The following MARCHF4 variants were observed in gnomAD, a reference collection of about 807,000 sequenced individuals.
The protein encoded by MARCHF4 is E3 ubiquitin-protein ligase MARCHF4.
MARCHF4 carries 14 observed loss-of-function variants against 43.9 expected under a neutral mutation model. That is an observed-to-expected ratio of 0.32 (90% confidence interval 0.21 to 0.50). MARCHF4 has a LOEUF of 0.50. MARCHF4 is among the 20% of genes least tolerant of loss of function. MARCHF4 has a pLI of 0.98. For synonymous variants in MARCHF4, 226 were observed against 213.3 expected, an observed-to-expected ratio of 1.06 and a Z score of -0.52; for missense variants, 468 against 536.7, an observed-to-expected ratio of 0.87 and a Z score of 1.27.
chr2:216,363,355 C>T (rs1157084811), intron 1 of MARCHF4, among the ~76,000 whole-genome samples: 2 of 152,208 alleles, frequency 1.3e-5, no homozygotes, highest in Admixed American at 1.3e-4. Flanking sequence ...AGGCATCTCC[C>T]CTCCTCTCAT....
In MARCHF4 at chr2:216,277,734, C is replaced by T. The variant is rs759735435; in HGVS notation, c.803G>A (p.Arg268His). ...GCAGATCTGGAAGAGAAGGTCTTGG[C>T]GCTGCCATCTTGCCGAGGGGCTGAA... The part of the protein sequence containing the change: ...STFSPSARWQ[R>H]QDLLFQICYG... Residue 268 changes from arginine (R) to histidine (H), a missense_variant, in exon 3 of 4, where the codon CGC (arginine) becomes CAC (histidine). Physicochemically the swap from Arg to His is conservative, Grantham distance 29 (BLOSUM62 0). Coordinates refer to ENST00000273067, the MANE Select transcript of MARCHF4 (RefSeq NM_020814.3). The T allele has an allele frequency of 9.3e-6, 15 of 1,614,132 alleles. No homozygotes were observed. The highest frequency in any genetic ancestry group is 6.8e-6 in the Non-Finnish European group (8 of 1,179,988).
In MARCHF4 at chr2:216,319,257, G is replaced by T. The variant is rs181714310; in HGVS notation, c.517-35528C>A. ...CAAGAAGCAGAGATTGCAGTGAGCCGAAATCGTGCCACTGCATTCCAGCCT... is the reference window on the plus strand; with the variant it reads ...CAAGAAGCAGAGATTGCAGTGAGCCTAAATCGTGCCACTGCATTCCAGCCT... On this transcript the variant is annotated intron_variant, in intron 1 of 3. Transcript: ENST00000273067. Among the ~76,000 whole-genome samples the T allele has an allele frequency of 1.6e-3, 246 of 152,212 alleles. 1 individual carries two copies. The highest frequency in any genetic ancestry group is 2.7e-3 in the Non-Finnish European group (186 of 68,014).
chr2:216,326,512 G>A (rs1183578491), intron 1 of MARCHF4, among the ~76,000 whole-genome samples: 3 of 151,234 alleles, frequency 2.0e-5, no homozygotes, highest in South Asian at 2.1e-4. Context: ...ACATGCACAC[G>A]TATGTTTATT....
At chr2:216,264,458 C>A (rs1690812009) in intron 3 of MARCHF4, among the ~76,000 whole-genome samples, 2 of 152,208 alleles carry the variant, frequency 1.3e-5, no homozygotes, top group Admixed American at 6.5e-5. Context: ...TGAATGTGTA[C>A]CTATGCACCC....
intron 1 of MARCHF4, among the ~76,000 whole-genome samples, chr2:216,334,255 A>T (rs533417010): frequency 1.6e-4 from 24 of 152,308 alleles, no homozygotes; most frequent in African/African-American, 5.1e-4. Context: ...AGATGGAGGA[A>T]GAAGGCCTTG....
chr2:216,368,967 T>C (rs750983797), intron 1 of MARCHF4, among the ~76,000 whole-genome samples: 3 of 152,070 alleles, frequency 2.0e-5, no homozygotes, highest in Non-Finnish European at 4.4e-5. Flanking sequence ...CATATGAGAG[T>C]TGGCATCCCT....
At chr2:216,363,312 G>A (rs1692615974) in intron 1 of MARCHF4, among the ~76,000 whole-genome samples, 1 of 152,118 alleles carries the variant, frequency 6.6e-6, no homozygotes, top group African/African-American at 2.4e-5. Flanking sequence ...ACAAACAATT[G>A]ATTAGAGAAC....
At chr2:216,335,356 G>A (rs1468306290) in intron 1 of MARCHF4, among the ~76,000 whole-genome samples, 1 of 152,154 alleles carries the variant, frequency 6.6e-6, no homozygotes, top group Non-Finnish European at 1.5e-5. Context: ...AAAATGGCAC[G>A]CAGGAGTCCA....
At chr2:216,277,009 A>C (rs563800597) in intron 3 of MARCHF4, among the ~76,000 whole-genome samples, 51 of 152,238 alleles carry the variant, frequency 3.4e-4, no homozygotes, top group Admixed American at 7.8e-4. Flanking sequence ...TTTAAACGAA[A>C]CCTTATCTGG....
At chr2:216,364,409 C>T (rs1469999030) in intron 1 of MARCHF4, among the ~76,000 whole-genome samples, 1 of 152,140 alleles carries the variant, frequency 6.6e-6, no homozygotes, top group African/African-American at 2.4e-5. Context: ...CAGTGCTCCC[C>T]TTAGACCCAG....
At chr2:216,351,569 G>C (rs1435630681) in intron 1 of MARCHF4, 1 of 152,162 alleles carries the variant, frequency 6.6e-6, no homozygotes, top group Non-Finnish European at 1.5e-5. Context: ...GTTCAGCCAA[G>C]GGGCCAAGGC....
chr2:216,325,455 G>GA (rs1691973148), intron 1 of MARCHF4, among the ~76,000 whole-genome samples: 3 of 152,124 alleles, frequency 2.0e-5, no homozygotes, highest in East Asian at 1.9e-4. Context: ...CACAGAATTG[G>GA]AAAAAACTAC....
chr2:216,316,537 T>C lies in MARCHF4; in HGVS notation c.517-32808A>G, dbSNP rs914666852. On this transcript the variant is annotated intron_variant, in intron 1 of 3. Coordinates refer to ENST00000273067, the MANE Select transcript of MARCHF4 (RefSeq NM_020814.3). ...TTCATTCTTGAAGAAATGAAATAGG[T>C]CCACAGTCCTGGGAAATGGGGGGCG... 3.3e-5 allele frequency among the ~76,000 whole-genome samples: 5 copies of C among 151,958 alleles called. No homozygotes were observed. In the East Asian group the frequency reaches 9.6e-4, roughly 29 times the overall value.
At chr2:216,358,528 G>A (rs1349328595) in intron 1 of MARCHF4, among the ~76,000 whole-genome samples, 1 of 152,210 alleles carries the variant, frequency 6.6e-6, no homozygotes, top group Admixed American at 6.5e-5. Flanking sequence ...GACAGCAGAA[G>A]TAGAAGCAGC....
intron 1 of MARCHF4, among the ~76,000 whole-genome samples, chr2:216,299,074 C>T (rs567472814): frequency 6.6e-6 from 1 of 152,248 alleles, no homozygotes; most frequent in Non-Finnish European, 1.5e-5. Context: ...CACTGTGATC[C>T]TGAAAAGAAA....
intron 1 of MARCHF4, among the ~76,000 whole-genome samples, chr2:216,284,095 C>T (rs1040898932): frequency 2.6e-5 from 4 of 152,186 alleles, no homozygotes; most frequent in African/African-American, 4.8e-5. Context: ...GAGTTGCAAA[C>T]TCAAATGCCC....
chr2:216,331,098 C>T (rs1692075767), intron 1 of MARCHF4, among the ~76,000 whole-genome samples: 1 of 151,894 alleles, frequency 6.6e-6, no homozygotes, highest in African/African-American at 2.4e-5. Context: ...TTTGAAAAGA[C>T]TAATAAAAAT....
intron 1 of MARCHF4, among the ~76,000 whole-genome samples, chr2:216,344,596 A>C (rs546747672): frequency 6.6e-5 from 10 of 152,304 alleles, no homozygotes; most frequent in African/African-American, 2.4e-4. Context: ...AGGGCTTCTA[A>C]AAGGCCCCTT....
At chr2:216,369,663 TTCCCCAGG>T in intron 1 of MARCHF4, 74 bp downstream of exon 1, 1 of 1,151,944 alleles carries the variant, frequency 8.7e-7, no homozygotes, top group South Asian at 1.5e-5. Context: ...AATATAACCG[TTCCCCAGG>T]GCAAGCAGGC....
Sources: allele counts gnomAD v4.1 joint callset (sites outside exome capture counted in the v4.1 genomes callset), GRCh38; gene constraint gnomAD v4.1.1; transcripts MANE v1.5; gene names NCBI Gene and HGNC (gene_info 2026-07-23, HGNC 2026-07-21).